Variants in NR2C2 observed in about 807,000 individuals in gnomAD.
The protein encoded by NR2C2 is nuclear receptor subfamily 2 group C member 2, also known as Nuclear hormone receptor TR4.
A neutral mutation model predicts 62.9 loss-of-function variants in NR2C2; 6 were observed. The ratio of observed to expected loss-of-function variants is 0.10; its 90% CI spans 0.05 to 0.19. The LOEUF (loss-of-function observed/expected upper bound fraction) is 0.19. NR2C2 is among the 10% of genes least tolerant of loss of function. NR2C2 has a pLI of 1.00. For synonymous variants in NR2C2, 272 were observed against 273.8 expected (o/e 0.99, Z 0.07); for missense variants, 479 against 762.7 (o/e 0.63, Z 4.38).
At chr3:14,969,281 T>A (rs2039966277) in intron 1 of NR2C2, among the ~76,000 whole-genome samples, 1 of 148,594 alleles carries the variant, frequency 6.7e-6, no homozygotes, top group Non-Finnish European at 1.5e-5. Flanking sequence ...AGTCTCACTG[T>A]GTCACCCAGG....
intron 2 of NR2C2, among the ~76,000 whole-genome samples, chr3:15,010,160 C>G (rs942279526): frequency 2.6e-5 from 4 of 152,076 alleles, no homozygotes. Context: ...TTGGATATAT[C>G]CTTGCAATTT....
At chr3:15,040,720 A>G (rs1045891069) in intron 13 of NR2C2, among the ~76,000 whole-genome samples, 16 of 152,234 alleles carry the variant, frequency 1.1e-4, no homozygotes, top group African/African-American at 2.4e-5. Context: ...CAAAAGCAAG[A>G]TCCATTTTCT....
At chr3:14,985,455 A>T (rs1265922945) in intron 1 of NR2C2, among the ~76,000 whole-genome samples, 1 of 152,188 alleles carries the variant, frequency 6.6e-6, no homozygotes, top group East Asian at 1.9e-4. Flanking sequence ...ATCACAATGT[A>T]ATCAGAGGAT....
At chr3:15,013,513 C>T in intron 2 of NR2C2, 76 bp from the exon 3 acceptor site, 1 of 1,343,452 alleles carries the variant, frequency 7.4e-7, no homozygotes, top group South Asian at 1.2e-5. Flanking sequence ...TTGGCAGTCA[C>T]CACTTTGAGC....
intron 2 of NR2C2, among the ~76,000 whole-genome samples, chr3:15,004,188 G>A (rs2041102565): frequency 6.6e-6 from 1 of 152,136 alleles, no homozygotes; most frequent in Non-Finnish European, 1.5e-5. Context: ...CTAAACTGTT[G>A]TTTCAAACCA....
chr3:15,023,607 G>C (rs1363835709), intron 6 of NR2C2, among the ~76,000 whole-genome samples: 1 of 152,198 alleles, frequency 6.6e-6, no homozygotes, highest in South Asian at 2.1e-4. Flanking sequence ...TCATACGGAA[G>C]ACAATTATTT....
intron 11 of NR2C2, among the ~76,000 whole-genome samples, chr3:15,037,323 G>A (rs1377960935): frequency 1.3e-5 from 2 of 151,962 alleles, no homozygotes; most frequent in Non-Finnish European, 2.9e-5. Flanking sequence ...CTCCTGCCTT[G>A]GCCTCCCGAA....
At chr3:14,948,024 G>C (rs1281857981) in intron 1 of NR2C2, 118 bp downstream of exon 1, 1 of 151,976 alleles carries the variant, frequency 6.6e-6, no homozygotes, top group Non-Finnish European at 1.5e-5. Context: ...TTTGCCACGG[G>C]GTGGCGGCGG....
At chr3:15,000,108 T>TAA (rs143891534) in intron 1 of NR2C2, among the ~76,000 whole-genome samples, 10,917 of 151,332 alleles carry the variant, frequency 0.072, 426 homozygotes, top group Middle Eastern at 0.099. Context: ...GCAATAGGTC[T>TAA]AAAAAAAAAG....
chr3:14,990,618 G>A (rs979246471), intron 1 of NR2C2, among the ~76,000 whole-genome samples: 4 of 152,144 alleles, frequency 2.6e-5, no homozygotes, highest in Admixed American at 2.0e-4. Context: ...CTTTTGGGTT[G>A]GACTCTCTTT....
chr3:14,995,216 G>GCAGTTCAC (rs1285208503), intron 1 of NR2C2, among the ~76,000 whole-genome samples: 1 of 149,428 alleles, frequency 6.7e-6, no homozygotes, highest in Non-Finnish European at 1.5e-5. Context: ...GCCCAGGCTG[G>GCAGTTCAC]CAGTTCACCT....
rs1442377254 is a variant in NR2C2, at chr3:15,031,137, T to TTTTATATG, written c.1110+685_1110+686insTTTATATG. ...GCACTTTTGTCTCTTCTCTGTGTCA[T>TTTTATATG]AGAAACCCTCATATAAAATCTACAA... On this transcript the variant is annotated intron_variant, in intron 9 of 13. Transcript: ENST00000425241. Among the ~76,000 whole-genome samples the TTTTATATG allele has an allele frequency of 2.0e-5, 3 of 152,268 alleles. No homozygotes were observed. The East Asian group carries it at 5.8e-4, about 29-fold the overall frequency.
In NR2C2 at chr3:15,043,981, C is replaced by T. The variant is rs1475024642; in HGVS notation, c.*973C>T. ...CATTTTGAGCTCTTGACAGTACTTC[C>T]AATACAATTGGGGGTGCTTGTGTGT... On this transcript the variant is annotated 3_prime_UTR_variant, in exon 14 of 14. Coordinates refer to ENST00000425241, the MANE Select transcript of NR2C2 (RefSeq NM_001291694.2). 1 of 152,146 alleles carries T rather than the reference C, an allele frequency of 6.6e-6. No homozygotes were observed. Among genetic ancestry groups the T allele is most frequent in the East Asian group, 1.9e-4 (1 of 5,196 alleles). The allele number at this position is 152,146 out of a possible 1,614,324, so 9.4% of individuals were successfully genotyped here.
rs754779100 is a variant in NR2C2, at chr3:15,042,886, A to G, written c.1669A>G (p.Ile557Val). 6.2e-6 allele frequency: 10 copies of G among 1,614,058 alleles called. No individual in the cohort carries two copies. Among genetic ancestry groups the G allele is most frequent in the East Asian group, 4.5e-5 (2 of 44,896 alleles). ...LPALRLMSSN[I>V]TEELFFTGLI... Reference sequence around the variant, plus strand: ...GGCACTCAGGCTGATGAGCTCCAACATAACAGAAGAACTTTTTTTTACTGG... The same window carrying G: ...GGCACTCAGGCTGATGAGCTCCAACGTAACAGAAGAACTTTTTTTTACTGG... Residue 557 changes from isoleucine to valine, a missense_variant, in exon 14 of 14, where the codon ATA becomes GTA. Around this residue, in one of 4 missense-constraint regions of NR2C2, gnomAD observed 162 missense variants for 296.8 expected, o/e 0.55. Coordinates refer to ENST00000425241, the MANE Select transcript of NR2C2 (RefSeq NM_001291694.2).
In NR2C2 at chr3:15,020,322, G is replaced by A. The variant is rs76588167; in HGVS notation, c.377-431G>A. On this transcript the variant is annotated intron_variant, in intron 4 of 13. Coordinates refer to ENST00000425241, the MANE Select transcript of NR2C2 (RefSeq NM_001291694.2). ...CTCTGTGCCAAAGCCACACATGCAC[G>A]TGTTTGCTATGTGCCACTCGTGGCA... Among the ~76,000 whole-genome samples the A allele has an allele frequency of 4.6e-5, 7 of 152,324 alleles. No homozygotes were observed. In the East Asian group the frequency reaches 9.6e-4, roughly 21 times the overall value.
Position 15,030,363 on chromosome 3 carries a change from G to A in NR2C2, c.1021G>A (p.Gly341Arg). Residue 341 changes from glycine (G) to arginine (R), a missense_variant, in exon 9 of 14, where the codon GGG becomes AGG. Gly to Arg is a moderately radical substitution (Grantham distance 125). Around this residue, in one of 4 missense-constraint regions of NR2C2, gnomAD observed 151 missense variants for 176.1 expected, o/e 0.86. Coordinates refer to ENST00000425241, the MANE Select transcript of NR2C2 (RefSeq NM_001291694.2). ...LADGIDTSGG[G>R]SIHVISRDQS... The stretch of plus-strand genomic sequence containing the variant: ...AGATGGGATAGACACCAGTGGAGGA[G>A]GGAGCATCCACGTCATCAGCAGAGA... The A allele has an allele frequency of 6.2e-7, 1 of 1,613,584 alleles. No homozygotes were observed.
At chr3:14,982,392 G>T (rs1574959233) in intron 1 of NR2C2, among the ~76,000 whole-genome samples, 1 of 152,196 alleles carries the variant, frequency 6.6e-6, no homozygotes, top group Non-Finnish European at 1.5e-5. Flanking sequence ...CCTGCTGACT[G>T]CTGACTTTTC....
rs1311319161 is a variant in NR2C2 at position 15,047,163 on chromosome 3, G to C, written c.*4155G>C. On this transcript the variant is annotated 3_prime_UTR_variant, in exon 14 of 14. Coordinates refer to ENST00000425241, the MANE Select transcript of NR2C2 (RefSeq NM_001291694.2). ...ATGTATCCAAACTTTCCTTTAAAGA[G>C]AGTTTTTCATAAAGTTGCTAATGTA... 6.6e-6 allele frequency: 1 copy of C among 152,604 alleles called. No homozygotes were observed. Among genetic ancestry groups the C allele is most frequent in the Admixed American group, 6.6e-5 (1 of 15,260 alleles). The allele number at this position is 152,604 out of a possible 1,614,324, so 9.5% of individuals were successfully genotyped here.
rs1220026183 is a variant in NR2C2, at chr3:15,045,253, C to T, written c.*2245C>T. ...GCCATGTTGCAGTTCCCTGGGAATA[C>T]AAGCATAACAGCTTTCAGATCCCAG... On this transcript the variant is annotated 3_prime_UTR_variant, in exon 14 of 14. Coordinates refer to ENST00000425241, the MANE Select transcript of NR2C2 (RefSeq NM_001291694.2). The T allele has an allele frequency of 6.6e-6, 1 of 152,148 alleles. No individual in the cohort carries two copies. The highest frequency in any genetic ancestry group is 2.4e-5 in the African/African-American group (1 of 41,422). 9.4% of individuals were successfully genotyped at this position (152,148 alleles called of 1,614,324 possible).
Sources: allele counts gnomAD v4.1 joint callset (sites outside exome capture counted in the v4.1 genomes callset), GRCh38; gene constraint gnomAD v4.1.1; regional missense constraint gnomAD v4.1.1; transcripts MANE v1.5; gene names NCBI Gene and HGNC (gene_info 2026-07-23, HGNC 2026-07-21).